PCDH7: variants seen among roughly 807,000 people sequenced by gnomAD.
PCDH7 encodes the protein protocadherin 7, also known as protocadherin-7.
A neutral mutation model predicts 58.9 loss-of-function variants in PCDH7; 17 were observed. That is an observed-to-expected ratio of 0.29 (90% confidence interval 0.20 to 0.43). The LOEUF (loss-of-function observed/expected upper bound fraction) is 0.43, where lower values mean the gene tolerates loss of function less well. Ranked by LOEUF, PCDH7 falls within the 20% of genes least tolerant of loss-of-function variation. PCDH7 has a pLI of 1.00. For missense variants in PCDH7, 1,274 were observed against 1,441.0 expected (o/e 0.88, Z 1.88); for synonymous variants, 664 against 616.4 (o/e 1.08, Z -1.14).
At chr4:30,858,307 G>C (rs1733754372) in intron 1 of PCDH7, among the ~76,000 whole-genome samples, 1 of 152,020 alleles carries the variant, frequency 6.6e-6, no homozygotes, top group Non-Finnish European at 1.5e-5. Flanking sequence ...TCTCATTTGT[G>C]TTGAGACAAC....
chr4:30,924,132 C>T (rs1366606436), intron 2 of PCDH7, among the ~76,000 whole-genome samples: 2 of 152,088 alleles, frequency 1.3e-5, no homozygotes, highest in African/African-American at 4.8e-5. Flanking sequence ...TATCCTGGTC[C>T]CTACCTTCAT....
intron 1 of PCDH7, among the ~76,000 whole-genome samples, chr4:30,801,564 G>T (rs1307114839): frequency 6.6e-5 from 10 of 152,014 alleles, no homozygotes; most frequent in Non-Finnish European, 5.9e-5. Flanking sequence ...ATCCCTGCTA[G>T]GCCACTAGTC....
intron 3 of PCDH7, among the ~76,000 whole-genome samples, chr4:31,035,593 G>T (rs981322863): frequency 1.3e-5 from 2 of 152,048 alleles, no homozygotes; most frequent in South Asian, 4.1e-4. Context: ...CTCTGCTTCT[G>T]TAGTGGCTGA....
intron 1 of PCDH7, among the ~76,000 whole-genome samples, chr4:30,763,462 T>C (rs1720307046): frequency 6.6e-6 from 1 of 152,206 alleles, no homozygotes; most frequent in African/African-American, 2.4e-5. Flanking sequence ...ATTGGCCATA[T>C]AAAATCATCT....
chr4:30,730,646 A>G, intron 1 of PCDH7: 1 of 735,542 alleles, frequency 1.4e-6, no homozygotes, highest in Admixed American at 2.9e-5. Flanking sequence ...AATTTTTCTT[A>G]GCTCCGAAAT....
At chr4:30,881,193 T>A (rs1232700055) in intron 1 of PCDH7, among the ~76,000 whole-genome samples, 2 of 152,018 alleles carry the variant, frequency 1.3e-5, no homozygotes, top group Non-Finnish European at 2.9e-5. Context: ...GAGCTTTTGG[T>A]GCCGTCAGCA....
At chr4:31,141,642 A>G (rs972551868) in intron 3 of PCDH7, among the ~76,000 whole-genome samples, 1 of 152,212 alleles carries the variant, frequency 6.6e-6, no homozygotes, top group African/African-American at 2.4e-5. Flanking sequence ...TTAGCCTTTT[A>G]GAAGTAAAAG....
chr4:30,924,564 C>A (rs1217209484), intron 2 of PCDH7, among the ~76,000 whole-genome samples: 1 of 151,972 alleles, frequency 6.6e-6, no homozygotes, highest in Non-Finnish European at 1.5e-5. Flanking sequence ...TTACATAAAT[C>A]AAAGGAGTGG....
chr4:30,842,588 G>A lies in PCDH7; in HGVS notation c.71-77565G>A, dbSNP rs1731361221. Reference sequence around the variant, plus strand: ...GTGAGTGGATGGATTGGATGGATGTGTGAATTAATGATGAAAGTTATACAT... The same window carrying A: ...GTGAGTGGATGGATTGGATGGATGTATGAATTAATGATGAAAGTTATACAT... On this transcript the variant is annotated intron_variant, in intron 1 of 3. Coordinates refer to the PCDH7 transcript ENST00000509759. Among the ~76,000 whole-genome samples the A allele has an allele frequency of 2.0e-5, 3 of 152,122 alleles. No individual in the cohort carries two copies. The South Asian group carries it at 6.2e-4, about 31-fold the overall frequency.
intron 3 of PCDH7, among the ~76,000 whole-genome samples, chr4:31,123,796 A>C (rs1392072365): frequency 6.6e-6 from 1 of 152,092 alleles, no homozygotes; most frequent in Non-Finnish European, 1.5e-5. Flanking sequence ...GAGCAATGGA[A>C]GTGGCTCTCA....
At chr4:30,729,792 C>T (rs956889841) in intron 1 of PCDH7, among the ~76,000 whole-genome samples, 17 of 151,906 alleles carry the variant, frequency 1.1e-4, no homozygotes, top group East Asian at 1.9e-4. Context: ...CAGTCATGCA[C>T]GAATGTTTTC....
intron 3 of PCDH7, among the ~76,000 whole-genome samples, chr4:30,978,433 A>T (rs991465315): frequency 1.3e-5 from 2 of 152,236 alleles, no homozygotes; most frequent in African/African-American, 4.8e-5. Flanking sequence ...TTAATAGCCC[A>T]TATAGCCTTG....
rs1171767899 is a variant in PCDH7 at position 30,722,398 on chromosome 4, C to T, written c.976C>T (p.Pro326Ser). 1 of 1,612,634 alleles carries T rather than the reference C, an allele frequency of 6.2e-7. No individual in the cohort carries two copies. Among genetic ancestry groups the T allele is most frequent in the Admixed American group, 1.7e-5 (1 of 60,018 alleles). The stretch of plus-strand genomic sequence containing the variant: ...GGCTGAGAACAGCGCCCCGGGGACC[C>T]CCATCCTGCAACTGCGCGCAGCCGA... Residue 326 changes from proline to serine, a missense_variant, in exon 1 of 2, where the codon CCC (proline) becomes TCC (serine). Pro to Ser is a moderately conservative substitution (Grantham distance 74). Around this residue, in one of 3 missense-constraint regions of PCDH7, gnomAD observed 331 missense variants for 303.2 expected, o/e 1.09. Coordinates refer to ENST00000361762, the Ensembl canonical transcript of PCDH7. This position sits in a 1 kb window ranked among gnomAD's most constrained non-coding sequence, Gnocchi z 7.6.
chr4:30,961,833 C>T (rs1748463099), intron 3 of PCDH7, among the ~76,000 whole-genome samples: 1 of 152,106 alleles, frequency 6.6e-6, no homozygotes, highest in Non-Finnish European at 1.5e-5. Context: ...TTCATCTCAC[C>T]TGTTGTAGCA....
intron 1 of PCDH7, among the ~76,000 whole-genome samples, chr4:30,876,135 C>T (rs1736256189): frequency 6.6e-6 from 1 of 152,046 alleles, no homozygotes; most frequent in Non-Finnish European, 1.5e-5. Context: ...CCTGGCCACT[C>T]ACATGTTTGT....
At chr4:30,773,533 A>G (rs1721687426) in intron 1 of PCDH7, among the ~76,000 whole-genome samples, 1 of 151,396 alleles carries the variant, frequency 6.6e-6, no homozygotes, top group Admixed American at 6.6e-5. Context: ...TTAGGAATGC[A>G]CTCAGCTGCA....
chr4:30,831,011 C>A (rs1411622052), intron 1 of PCDH7, among the ~76,000 whole-genome samples: 1 of 152,082 alleles, frequency 6.6e-6, no homozygotes, highest in Admixed American at 6.6e-5. Flanking sequence ...AGCATTTCAT[C>A]AAAAATAATT....
chr4:30,744,014 G>A (rs183940550), intron 1 of PCDH7, among the ~76,000 whole-genome samples: 4 of 152,190 alleles, frequency 2.6e-5, no homozygotes, highest in Admixed American at 6.5e-5. Flanking sequence ...ATCTATCTCC[G>A]TTGATTCTTT....
At chr4:31,006,722 G>A (rs1260205901) in intron 3 of PCDH7, among the ~76,000 whole-genome samples, 3 of 151,834 alleles carry the variant, frequency 2.0e-5, no homozygotes, top group African/African-American at 7.3e-5. Context: ...GAAAAACCCT[G>A]TCTCTACTAA....
Sources: allele counts gnomAD v4.1 joint callset (sites outside exome capture counted in the v4.1 genomes callset), GRCh38; gene constraint gnomAD v4.1.1; regional missense constraint gnomAD v4.1.1; non-coding constraint Gnocchi (gnomAD v3.1); transcripts MANE v1.5; gene names NCBI Gene and HGNC (gene_info 2026-07-23, HGNC 2026-07-21).